DSCAML1: variants seen among roughly 807,000 people sequenced by gnomAD.
The protein encoded by DSCAML1 is DS cell adhesion molecule like 1, also known as cell adhesion molecule DSCAML1.
Under a neutral mutation model 200.5 loss-of-function variants are expected in DSCAML1, and 38 were observed. That is an observed-to-expected ratio of 0.19 (90% CI 0.15 to 0.25). The LOEUF (loss-of-function observed/expected upper bound fraction) is 0.25. DSCAML1 is among the 10% of genes least tolerant of loss of function. The pLI, the probability that DSCAML1 is intolerant of heterozygous loss-of-function variation, is 1.00. For missense variants in DSCAML1, 2,223 were observed against 2,858.8 expected (o/e 0.78, Z 5.07); for synonymous variants, 1,215 against 1,165.0 (o/e 1.04, Z -0.87).
chr11:117,437,217 C>T lies in DSCAML1; in HGVS notation c.4625G>A (p.Arg1542Gln), dbSNP rs143121003. The change falls in exon 26 of 33, where the codon CGA (arginine) becomes CAA (glutamine). Residue 1542 changes from arginine to glutamine, a missense_variant. Physicochemically the swap from Arg to Gln is conservative, Grantham distance 43. Transcript: ENST00000651296. This position sits in a 1 kb window ranked among gnomAD's most constrained non-coding sequence, Gnocchi z 5.3. The part of the protein sequence containing the change: ...SSGEVFLTEL[R>Q]EATWYELRMR... ...GCGCAGCTCGTACCACGTGGCCTCT[C>T]GCAGTTCCGTCAGAAACACCTCCCC... The T allele has an allele frequency of 1.0e-4, 165 of 1,614,200 alleles. No homozygotes were observed. The highest frequency in any genetic ancestry group is 1.3e-4 in the Non-Finnish European group (157 of 1,180,056).
At chr11:117,459,365 C>T (rs2048435875) in intron 18 of DSCAML1, among the ~76,000 whole-genome samples, 1 of 152,236 alleles carries the variant, frequency 6.6e-6, no homozygotes, top group Non-Finnish European at 1.5e-5. Context: ...GCCAGACCTC[C>T]CTGGGCAGTT....
chr11:117,630,610 C>T (rs1159570541), intron 3 of DSCAML1, among the ~76,000 whole-genome samples: 5 of 118,110 alleles, frequency 4.2e-5, no homozygotes, highest in Non-Finnish European at 8.0e-5. Context: ...GAAGTCAGAA[C>T]AGGTGTAGTC....
In DSCAML1 at chr11:117,808,708, T is replaced by C. The variant is rs531873511; in HGVS notation, c.-250+8682A>G. On this transcript the variant is annotated intron_variant, in intron 1 of 2. Transcript: ENST00000525836. Reference sequence around the variant, plus strand: ...CACTTAAGCTTGTCAAAAACACTAATACAGTGTCTGGCACATACTTGATAG... The same window carrying C: ...CACTTAAGCTTGTCAAAAACACTAACACAGTGTCTGGCACATACTTGATAG... 7.2e-5 allele frequency among the ~76,000 whole-genome samples: 11 copies of C among 152,268 alleles called. No individual in the cohort carries two copies. The South Asian group carries it at 2.3e-3, about 32-fold the overall frequency.
At chr11:117,691,328 C>T (rs2053490488) in intron 3 of DSCAML1, among the ~76,000 whole-genome samples, 1 of 152,128 alleles carries the variant, frequency 6.6e-6, no homozygotes, top group South Asian at 2.1e-4. Context: ...TTTGGGGACC[C>T]GCCCAGTCTG....
chr11:117,512,506 C>T (rs2049646646), intron 8 of DSCAML1, among the ~76,000 whole-genome samples: 1 of 152,156 alleles, frequency 6.6e-6, no homozygotes, highest in South Asian at 2.1e-4. Context: ...GGGGGCACGT[C>T]CCAGAGCCCC....
chr11:117,804,852 C>T (rs2134086380), intron 1 of DSCAML1, among the ~76,000 whole-genome samples: 1 of 152,204 alleles, frequency 6.6e-6, no homozygotes, highest in African/African-American at 2.4e-5. Context: ...ATCTTCTGAG[C>T]CTGGGAGGCT....
intron 3 of DSCAML1, among the ~76,000 whole-genome samples, chr11:117,718,693 G>C (rs2053998809): frequency 1.3e-5 from 1 of 77,882 alleles, no homozygotes; most frequent in African/African-American, 4.7e-5. Flanking sequence ...CATCATATGA[G>C]ACCTTTAAAA....
At chr11:117,563,035 T>G (rs1419997748) in intron 3 of DSCAML1, among the ~76,000 whole-genome samples, 2 of 152,192 alleles carry the variant, frequency 1.3e-5, no homozygotes, top group Non-Finnish European at 2.9e-5. Flanking sequence ...GTGCCCCCGT[T>G]CCAGCCTCCC....
chr11:117,593,248 C>T (rs1310931673), intron 3 of DSCAML1, among the ~76,000 whole-genome samples: 1 of 152,212 alleles, frequency 6.6e-6, no homozygotes, highest in African/African-American at 2.4e-5. Context: ...AAATGGATGC[C>T]TTCTGCCCTG....
chr11:117,809,907 A>ATT (rs1565295602), intron 1 of DSCAML1, among the ~76,000 whole-genome samples: 1 of 151,708 alleles, frequency 6.6e-6, no homozygotes, highest in Non-Finnish European at 1.5e-5. Context: ...ACACACTCAC[A>ATT]CACACATTCA....
At chr11:117,459,822 C>T (rs779557425) in intron 18 of DSCAML1, among the ~76,000 whole-genome samples, 6 of 152,226 alleles carry the variant, frequency 3.9e-5, no homozygotes, top group Non-Finnish European at 7.3e-5. Context: ...CAGCACCTCG[C>T]GGATGGTCCA....
chr11:117,564,662 TTTCCTTCCTCC>T (rs1285416946), intron 3 of DSCAML1, among the ~76,000 whole-genome samples: 2 of 151,878 alleles, frequency 1.3e-5, no homozygotes, highest in African/African-American at 2.4e-5. Context: ...TTTCTTTTTC[TTTCCTTCCTCC>T]TTCCTTCCTT....
chr11:117,709,387 G>A (rs2053804265), intron 3 of DSCAML1, among the ~76,000 whole-genome samples: 1 of 152,184 alleles, frequency 6.6e-6, no homozygotes, highest in South Asian at 2.1e-4. Flanking sequence ...TGGAGAGCGA[G>A]TGAGCTCTAT....
At chr11:117,501,816 G>T (rs2049401742) in intron 11 of DSCAML1, among the ~76,000 whole-genome samples, 1 of 152,114 alleles carries the variant, frequency 6.6e-6, no homozygotes, top group Non-Finnish European at 1.5e-5. Context: ...TAAGAAAGGT[G>T]TGTCGCTAGC....
At chr11:117,813,126 A>T (rs1241166301) in intron 1 of DSCAML1, among the ~76,000 whole-genome samples, 1 of 152,168 alleles carries the variant, frequency 6.6e-6, no homozygotes, top group African/African-American at 2.4e-5. Context: ...TGGTCTATTA[A>T]AAACACACCT....
chr11:117,804,010 G>A (rs1210163793), intron 1 of DSCAML1, among the ~76,000 whole-genome samples: 3 of 152,212 alleles, frequency 2.0e-5, no homozygotes, highest in Non-Finnish European at 4.4e-5. Context: ...CACTGTGACT[G>A]GCCACCAGCA....
chr11:117,559,445 A>G (rs2050620958), intron 3 of DSCAML1, among the ~76,000 whole-genome samples: 1 of 152,154 alleles, frequency 6.6e-6, no homozygotes, highest in Non-Finnish European at 1.5e-5. Context: ...GCACTTCAAT[A>G]TATCTCACCT....
chr11:117,640,640 C>T lies in DSCAML1; in HGVS notation c.512-108118G>A, dbSNP rs115087265. 3.6e-3 allele frequency among the ~76,000 whole-genome samples: 550 copies of T among 152,286 alleles called. 5 individuals carry two copies. Among genetic ancestry groups the T allele is most frequent in the African/African-American group, 0.012 (513 of 41,550 alleles). On this transcript the variant is annotated intron_variant, in intron 3 of 32. Transcript: ENST00000651296. ...TCTTCAAAACATGCCTTTAACCTCA[C>T]GCCTTCTTGTCCCCGCCACCATGGT... is the stretch of plus-strand genomic sequence containing the variant.
chr11:117,807,822 G>A (rs892683042), intron 1 of DSCAML1, among the ~76,000 whole-genome samples: 2 of 152,282 alleles, frequency 1.3e-5, no homozygotes, highest in East Asian at 3.9e-4. Flanking sequence ...TCTGGTTCTG[G>A]CTTTCGTCGG....
Sources: allele counts gnomAD v4.1 joint callset (sites outside exome capture counted in the v4.1 genomes callset), GRCh38; gene constraint gnomAD v4.1.1; non-coding constraint Gnocchi (gnomAD v3.1); transcripts MANE v1.5; gene names NCBI Gene and HGNC (gene_info 2026-07-23, HGNC 2026-07-21).